Variants in VTI1A observed in about 807,000 individuals in gnomAD.
VTI1A encodes vesicle transport through interaction with t-SNAREs homolog 1A.
VTI1A carries 22 observed loss-of-function variants against 34.9 expected under a neutral mutation model. That is an observed-to-expected ratio of 0.63 (90% CI 0.45 to 0.90). VTI1A has a LOEUF of 0.90. Ranked by LOEUF, VTI1A falls within the 40% of genes least tolerant of loss-of-function variation. VTI1A has a pLI of 0.00. For missense variants in VTI1A, 268 were observed against 275.6 expected, an observed-to-expected ratio of 0.97 and a Z score of 0.20; for synonymous variants, 87 against 97.3, an observed-to-expected ratio of 0.89 and a Z score of 0.62.
intron 7 of VTI1A, among the ~76,000 whole-genome samples, chr10:112,703,411 T>C (rs1849077075): frequency 6.6e-6 from 1 of 151,970 alleles, no homozygotes; most frequent in Admixed American, 6.6e-5. Context: ...CTACTAAAAA[T>C]ACAAAATTAG....
intron 5 of VTI1A, among the ~76,000 whole-genome samples, chr10:112,557,777 G>A (rs1851587253): frequency 6.6e-6 from 1 of 152,066 alleles, no homozygotes; most frequent in African/African-American, 2.4e-5. Context: ...GCATATGAAA[G>A]GTGGGATCAA....
At chr10:112,593,779 C>G (rs1398280306) in intron 5 of VTI1A, among the ~76,000 whole-genome samples, 1 of 152,072 alleles carries the variant, frequency 6.6e-6, no homozygotes, top group Non-Finnish European at 1.5e-5. Flanking sequence ...CTCTGTCACT[C>G]AGGCTGGAGT....
chr10:112,598,263 C>G (rs763089274), intron 5 of VTI1A, among the ~76,000 whole-genome samples: 1 of 152,282 alleles, frequency 6.6e-6, no homozygotes, highest in South Asian at 2.1e-4. Context: ...TTGTAAGTCT[C>G]TAATTATCTA....
rs535259203 is a variant in VTI1A at position 112,730,166 on chromosome 10, T to C, written c.560+61168T>C. On this transcript the variant is annotated intron_variant, in intron 7 of 7. Transcript: ENST00000393077. Reference sequence around the variant, plus strand: ...CAAAGAATACATGAACAATCTGCATTATTTTAAAGGTGAAGATGGGCTTTT... The same window carrying C: ...CAAAGAATACATGAACAATCTGCATCATTTTAAAGGTGAAGATGGGCTTTT... Among the ~76,000 whole-genome samples, 14 of 152,352 alleles carry C rather than the reference T, an allele frequency of 9.2e-5. No homozygotes were observed. In the East Asian group the frequency reaches 2.5e-3, roughly 27 times the overall value.
chr10:112,808,705 TA>T (rs1490219336), intron 7 of VTI1A, among the ~76,000 whole-genome samples: 1 of 151,816 alleles, frequency 6.6e-6, no homozygotes, highest in Non-Finnish European at 1.5e-5. Context: ...TTGGCTCCTG[TA>T]ACTGGGAAGC....
At chr10:112,531,076 C>T (rs1850413330) in intron 4 of VTI1A, among the ~76,000 whole-genome samples, 2 of 147,000 alleles carry the variant, frequency 1.4e-5, no homozygotes, top group African/African-American at 2.5e-5. Context: ...CACACACACA[C>T]ACACACACAC....
chr10:112,616,829 G>A (rs1445776670), intron 5 of VTI1A, among the ~76,000 whole-genome samples: 1 of 152,070 alleles, frequency 6.6e-6, no homozygotes, highest in Non-Finnish European at 1.5e-5. Context: ...TTAGTGAATT[G>A]GAAAATATAT....
Position 112,535,062 on chromosome 10 carries a change from A to C in VTI1A, c.343-3184A>C, listed in dbSNP as rs187389045. On this transcript the variant is annotated intron_variant, in intron 4 of 7. Coordinates refer to ENST00000393077, the MANE Select transcript of VTI1A (RefSeq NM_145206.4). ...CAAATTAGAAGTCTTAATTCCAAAAACTTAAAGCATCACGTCTGCATTTCT... is the reference window on the plus strand; with the variant it reads ...CAAATTAGAAGTCTTAATTCCAAAACCTTAAAGCATCACGTCTGCATTTCT... Among the ~76,000 whole-genome samples the C allele has an allele frequency of 3.9e-5, 6 of 152,260 alleles. No homozygotes were observed. The East Asian group carries it at 9.6e-4, about 24-fold the overall frequency.
chr10:112,629,577 C>T (rs568366980), intron 5 of VTI1A, among the ~76,000 whole-genome samples: 3 of 152,196 alleles, frequency 2.0e-5, no homozygotes, highest in Non-Finnish European at 2.9e-5. Flanking sequence ...CTTTGAGGAA[C>T]GAGTGTGAAA....
At chr10:112,736,451 T>C (rs1850474970) in intron 7 of VTI1A, among the ~76,000 whole-genome samples, 1 of 152,094 alleles carries the variant, frequency 6.6e-6, no homozygotes, top group South Asian at 2.1e-4. Context: ...AAGTATTGGA[T>C]GGGCAGACGG....
At chr10:112,744,276 T>C (rs1850804708) in intron 7 of VTI1A, among the ~76,000 whole-genome samples, 1 of 152,150 alleles carries the variant, frequency 6.6e-6, no homozygotes, top group Non-Finnish European at 1.5e-5. Context: ...CCCCCTCCAA[T>C]TCAGCGTCCA....
At chr10:112,815,188 CTGCAAAGCTGCCGTTTGATT>C in intron 7 of VTI1A, 82 bp from the exon 8 acceptor site, 2 of 665,852 alleles carry the variant, frequency 3.0e-6, no homozygotes, top group East Asian at 3.3e-5. Flanking sequence ...CCACCCCCAC[CTGCAAAGCTGCCGTTTGATT>C]AGCCAACCTG....
chr10:112,669,476 C>T (rs749975994), intron 7 of VTI1A, among the ~76,000 whole-genome samples: 5 of 152,076 alleles, frequency 3.3e-5, no homozygotes, highest in East Asian at 1.9e-4. Flanking sequence ...ATTTATAAAA[C>T]GTCAAGATTA....
chr10:112,643,742 A>G (rs973397365), intron 5 of VTI1A, among the ~76,000 whole-genome samples: 3 of 152,214 alleles, frequency 2.0e-5, no homozygotes, highest in Non-Finnish European at 4.4e-5. Flanking sequence ...TTGCTTATTA[A>G]TGTACACACC....
chr10:112,628,738 A>C (rs1350522178), intron 5 of VTI1A, among the ~76,000 whole-genome samples: 1 of 152,116 alleles, frequency 6.6e-6, no homozygotes, highest in Admixed American at 6.5e-5. Flanking sequence ...TTTGATCTAA[A>C]CTATATTTTA....
chr10:112,675,066 A>G (rs1255461746), intron 7 of VTI1A, among the ~76,000 whole-genome samples: 10 of 152,204 alleles, frequency 6.6e-5, no homozygotes. Context: ...ATTGGCAATC[A>G]TATGTCAGTC....
At chr10:112,517,176 C>T (rs1358863132) in intron 3 of VTI1A, among the ~76,000 whole-genome samples, 1 of 151,872 alleles carries the variant, frequency 6.6e-6, no homozygotes, top group Non-Finnish European at 1.5e-5. Flanking sequence ...CACAATTCCT[C>T]CAAGGATAGG....
chr10:112,599,868 A>G (rs117814798), intron 5 of VTI1A, among the ~76,000 whole-genome samples: 4,191 of 152,284 alleles, frequency 0.028, 87 homozygotes, highest in Non-Finnish European at 0.042. Flanking sequence ...CGTGAGCCAC[A>G]GTGCCCAGCC....
chr10:112,517,676 C>T (rs1337207135), intron 3 of VTI1A, among the ~76,000 whole-genome samples: 1 of 152,108 alleles, frequency 6.6e-6, no homozygotes, highest in African/African-American at 2.4e-5. Flanking sequence ...TGGCACTTTA[C>T]TTCTGTGATC....
Sources: allele counts gnomAD v4.1 joint callset (sites outside exome capture counted in the v4.1 genomes callset), GRCh38; gene constraint gnomAD v4.1.1; transcripts MANE v1.5; gene names NCBI Gene and HGNC (gene_info 2026-07-23, HGNC 2026-07-21).